ADGRB3: variants seen among roughly 807,000 people sequenced by gnomAD.
The protein encoded by ADGRB3 is brain-specific angiogenesis inhibitor 3.
In ADGRB3, 37 loss-of-function variants were observed where a neutral mutation model predicts 193.4. That is an observed-to-expected ratio of 0.19 (90% CI 0.15 to 0.25). The LOEUF (loss-of-function observed/expected upper bound fraction) is 0.25, where lower values mean the gene tolerates loss of function less well. Ranked by LOEUF, ADGRB3 falls within the 10% of genes least tolerant of loss-of-function variation. The probability of loss-of-function intolerance (pLI) is 1.00; values close to 1 mark genes in which losing one functional copy is unlikely to be tolerated. For missense variants in ADGRB3, 1,637 were observed against 1,852.9 expected (o/e 0.88, Z 2.14); for synonymous variants, 690 against 644.2 (o/e 1.07, Z -1.08).
intron 3 of ADGRB3, among the ~76,000 whole-genome samples, chr6:68,690,448 T>C (rs1471350199): frequency 6.6e-6 from 1 of 152,084 alleles, no homozygotes; most frequent in East Asian, 1.9e-4. Flanking sequence ...ATAGATTTGC[T>C]ATTGTCAGAA....
chr6:69,278,882 T>C (rs924386319), intron 20 of ADGRB3, among the ~76,000 whole-genome samples: 4 of 151,730 alleles, frequency 2.6e-5, no homozygotes, highest in African/African-American at 9.7e-5. Context: ...TAGAGGAACA[T>C]GATCACTATA....
intron 13 of ADGRB3, among the ~76,000 whole-genome samples, chr6:69,040,559 G>C (rs566999959): frequency 6.6e-6 from 1 of 150,828 alleles, no homozygotes; most frequent in Non-Finnish European, 1.5e-5. Flanking sequence ...TGGCCTGAGA[G>C]GAAGCCGAGG....
chr6:68,962,919 C>T (rs1299114682), intron 8 of ADGRB3, among the ~76,000 whole-genome samples: 5 of 152,048 alleles, frequency 3.3e-5, no homozygotes, highest in African/African-American at 1.2e-4. Context: ...TGAGCAACAC[C>T]CATGAATGTA....
chr6:69,073,580 G>A (rs1180305092), intron 16 of ADGRB3, among the ~76,000 whole-genome samples: 4 of 152,130 alleles, frequency 2.6e-5, no homozygotes, highest in Non-Finnish European at 5.9e-5. Context: ...CTGAATTCCA[G>A]TTTCCACCCC....
At chr6:69,285,779 C>T (rs1214676596) in intron 20 of ADGRB3, among the ~76,000 whole-genome samples, 1 of 152,094 alleles carries the variant, frequency 6.6e-6, no homozygotes, top group African/African-American at 2.4e-5. Context: ...TGCTCTCCTA[C>T]TCTGTACCCC....
intron 3 of ADGRB3, among the ~76,000 whole-genome samples, chr6:68,924,616 C>T (rs917818276): frequency 1.1e-4 from 16 of 151,976 alleles, no homozygotes; most frequent in Non-Finnish European, 2.1e-4. Context: ...TGCCCTTTGA[C>T]TATTTCATGT....
intron 3 of ADGRB3, among the ~76,000 whole-genome samples, chr6:68,869,605 C>G (rs991218388): frequency 2.0e-5 from 3 of 152,140 alleles, no homozygotes; most frequent in Non-Finnish European, 4.4e-5. Context: ...GAGCAAATGT[C>G]TATTCCTAAG....
chr6:69,269,388 A>G (rs929070485), intron 20 of ADGRB3, among the ~76,000 whole-genome samples: 8 of 152,192 alleles, frequency 5.3e-5, no homozygotes, highest in Admixed American at 5.2e-4. Flanking sequence ...GTAAAAAAAA[A>G]TTATCTTAAA....
intron 3 of ADGRB3, among the ~76,000 whole-genome samples, chr6:68,886,925 A>G (rs750962806): frequency 3.9e-5 from 6 of 151,972 alleles, no homozygotes; most frequent in East Asian, 1.9e-4. Context: ...TATAACTTCA[A>G]TGAAAGTTCT....
chr6:69,069,896 G>C (rs187198773), intron 16 of ADGRB3, among the ~76,000 whole-genome samples: 1 of 152,160 alleles, frequency 6.6e-6, no homozygotes, highest in Non-Finnish European at 1.5e-5. Flanking sequence ...AGTAGGGAAA[G>C]AGAGAGAGGA....
chr6:69,082,993 T>C (rs1421461757), intron 17 of ADGRB3, among the ~76,000 whole-genome samples: 2 of 152,206 alleles, frequency 1.3e-5, no homozygotes, highest in Non-Finnish European at 2.9e-5. Flanking sequence ...GTTCCCTGCA[T>C]CACTCAAGTG....
intron 17 of ADGRB3, among the ~76,000 whole-genome samples, chr6:69,107,851 G>A (rs977499899): frequency 1.8e-4 from 27 of 151,992 alleles, no homozygotes; most frequent in Non-Finnish European, 2.9e-4. Context: ...CGGTACTCAG[G>A]GATATAAAGA....
intron 27 of ADGRB3, 87 bp from the exon 28 acceptor site, chr6:69,355,734 C>A: frequency 9.3e-7 from 1 of 1,077,766 alleles, no homozygotes; most frequent in Non-Finnish European, 1.4e-6. Context: ...AGTTAGATAT[C>A]TGTAAACTTC....
At chr6:68,990,445 TG>T (rs1410060597) in intron 10 of ADGRB3, among the ~76,000 whole-genome samples, 2 of 152,154 alleles carry the variant, frequency 1.3e-5, no homozygotes, top group Non-Finnish European at 2.9e-5. Flanking sequence ...CAGTGCCAAT[TG>T]TTAGAGCTGG....
intron 3 of ADGRB3, among the ~76,000 whole-genome samples, chr6:68,781,043 T>G (rs1766842879): frequency 6.6e-6 from 1 of 152,206 alleles, no homozygotes. Flanking sequence ...CATTTTGTTT[T>G]GTTTTATCCT....
chr6:69,206,045 G>A (rs868665231), intron 17 of ADGRB3, among the ~76,000 whole-genome samples: 19 of 99,922 alleles, frequency 1.9e-4, no homozygotes, highest in South Asian at 8.3e-4. Flanking sequence ...TATAATAATG[G>A]TATATATATA....
intron 3 of ADGRB3, among the ~76,000 whole-genome samples, chr6:68,860,728 T>C (rs1198990857): frequency 6.6e-6 from 1 of 152,222 alleles, no homozygotes; most frequent in Non-Finnish European, 1.5e-5. Context: ...GTCTTTTTGA[T>C]ATGACAATTT....
intron 11 of ADGRB3, among the ~76,000 whole-genome samples, chr6:69,011,280 G>A (rs1281672369): frequency 6.6e-6 from 1 of 151,766 alleles, no homozygotes; most frequent in East Asian, 1.9e-4. Context: ...GTACGCTATG[G>A]AATATTATGC....
In ADGRB3 at chr6:68,908,225, C is replaced by T. The variant is rs150512808; in HGVS notation, c.758-22334C>T. The stretch of plus-strand genomic sequence containing the variant: ...AGAAACATCTATTGGCATTATTGAT[C>T]GATGACCAATTCTAAGGTTTCTTTT... On this transcript the variant is annotated intron_variant, in intron 3 of 31. Coordinates refer to ENST00000370598, the MANE Select transcript of ADGRB3 (RefSeq NM_001704.3). Among the ~76,000 whole-genome samples, 46 of 152,010 alleles carry T rather than the reference C, an allele frequency of 3.0e-4. No individual in the cohort carries two copies. In the East Asian group the frequency reaches 8.5e-3, roughly 28 times the overall value.
Sources: gnomAD v4.1 joint callset for allele counts (sites outside exome capture counted in the v4.1 genomes callset) on GRCh38, gnomAD v4.1.1 for gene constraint, MANE v1.5 for transcripts, NCBI Gene and HGNC (gene_info 2026-07-23, HGNC 2026-07-21) for gene names.